CRELD2: variants seen among roughly 807,000 people sequenced by gnomAD.
CRELD2 encodes CRELD disulfide isomerase 2.
Under a neutral mutation model 48.1 loss-of-function variants are expected in CRELD2, and 33 were observed. That is an observed-to-expected ratio of 0.69 (90% CI 0.52 to 0.92). The LOEUF (loss-of-function observed/expected upper bound fraction) is 0.92, where lower values mean the gene tolerates loss of function less well. Among genes scored for constraint, CRELD2 ranks in the 40% least tolerant of loss-of-function variants. The pLI is 0.00. For synonymous variants in CRELD2, 220 were observed against 203.9 expected (o/e 1.08, Z -0.67); for missense variants, 477 against 482.4 (o/e 0.99, Z 0.10).
At chr22:49,923,192 G>C in intron 6 of CRELD2, 42 bp from the exon 7 acceptor site, 1 of 1,477,914 alleles carries the variant, frequency 6.8e-7, no homozygotes, top group South Asian at 1.4e-5. Context: ...CTCCCTGGCC[G>C]GGCTGTCCTG....
intron 5 of CRELD2, chr22:49,922,314 G>T (rs542695980): frequency 8.1e-7 from 1 of 1,238,844 alleles, no homozygotes; most frequent in African/African-American, 2.8e-5. Flanking sequence ...CGGCCTCTCC[G>T]ATTCTTACCC....
At position 49,927,424 on chromosome 22, in the gene CRELD2, T is replaced by C. The variant is rs1312505301; in HGVS notation, c.*117T>C. The C allele has an allele frequency of 8.9e-6, 7 of 787,262 alleles. No homozygotes were observed. In the Admixed American group the frequency reaches 1.3e-4, roughly 15 times the overall value. The allele number at this position is 787,262 out of a possible 1,614,324, so 48.8% of individuals were successfully genotyped here. A position where few individuals can be genotyped will look rare whatever the true frequency, so the allele number is the denominator to read the frequency against. On this transcript the variant is annotated 3_prime_UTR_variant, in exon 10 of 10. Transcript: ENST00000328268. ...GGAGAGGCTGCCTGCTCTCTAACGGTTGATTCTCATTTGTCCCTTAAACAG... is the reference window on the plus strand; with the variant it reads ...GGAGAGGCTGCCTGCTCTCTAACGGCTGATTCTCATTTGTCCCTTAAACAG...
At chr22:49,920,339 G>C (rs1263946979) in intron 4 of CRELD2, 92 bp downstream of exon 4, 1 of 869,958 alleles carries the variant, frequency 1.1e-6, no homozygotes, top group Non-Finnish European at 1.8e-6. Context: ...AGGGGACCTG[G>C]GGTGCATCAG....
chr22:49,925,093 C>T (rs12170411), intron 8 of CRELD2: 47,735 of 189,580 alleles, frequency 0.25, 7,879 homozygotes, highest in African/African-American at 0.49. Context: ...ATCGCGCCAC[C>T]GCACTCCAGC....
chr22:49,922,152 C>A, intron 5 of CRELD2: 2 of 929,738 alleles, frequency 2.2e-6, no homozygotes, highest in Non-Finnish European at 3.1e-6. Context: ...CGTTTTCTCC[C>A]TGGTTGTCAC....
intron 3 of CRELD2, 98 bp from the exon 4 acceptor site, chr22:49,920,058 C>G (rs763664089): frequency 5.8e-6 from 5 of 857,540 alleles, no homozygotes; most frequent in South Asian, 4.4e-5. Flanking sequence ...GTTTCCTGGA[C>G]CTTACAATAC....
chr22:49,925,784 G>T, intron 9 of CRELD2: 2 of 1,364,646 alleles, frequency 1.5e-6, no homozygotes, highest in East Asian at 2.8e-5. Context: ...CGGAAGTTCA[G>T]GCGATGAAGG....
intron 4 of CRELD2, 42 bp downstream of exon 4, chr22:49,920,289 C>T (rs747403079): frequency 2.3e-6 from 3 of 1,321,340 alleles, no homozygotes; most frequent in Admixed American, 1.7e-5. Context: ...TACGTCACTT[C>T]CCCTCTTCTT....
chr22:49,920,115 G>A (rs1314674848), intron 3 of CRELD2, 41 bp from the exon 4 acceptor site: 16 of 1,321,478 alleles, frequency 1.2e-5, no homozygotes, highest in South Asian at 2.4e-5. Flanking sequence ...TTAAAGAACC[G>A]TGTCTGCTGG....
chr22:49,923,098 C>T, intron 6 of CRELD2, 136 bp from the exon 7 acceptor site: 1 of 657,684 alleles, frequency 1.5e-6, no homozygotes, highest in Non-Finnish European at 2.5e-6. Flanking sequence ...GAGATGATTC[C>T]TCCTCAGGGG....
At chr22:49,925,815 A>G in intron 9 of CRELD2, 1 of 1,220,112 alleles carries the variant, frequency 8.2e-7, no homozygotes. Flanking sequence ...TGAAGCTCAG[A>G]CCTCAGCGGG....
intron 4 of CRELD2, among the ~76,000 whole-genome samples, chr22:49,920,544 A>G (rs543788006): frequency 8.5e-5 from 13 of 152,198 alleles, no homozygotes; most frequent in African/African-American, 3.1e-4. Context: ...GAGTCCACTC[A>G]CCTGAGAGTC....
At position 49,918,871 on chromosome 22, in the gene CRELD2, C is replaced by T. The variant is rs1214664239; in HGVS notation, c.102C>T (p.Cys34=). The T allele has an allele frequency of 1.3e-5, 17 of 1,300,418 alleles. No homozygotes were observed. The highest frequency in any genetic ancestry group is 1.6e-5 in the Non-Finnish European group (16 of 1,026,310). The allele number at this position is 1,300,418 out of a possible 1,614,324, so 80.6% of individuals were successfully genotyped here. ...AGAAGCCGACGCCCTGCCACCGGTGCCGGGGGCTGGTGGACAAGTTTAACC... is the reference window on the plus strand; with the variant it reads ...AGAAGCCGACGCCCTGCCACCGGTGTCGGGGGCTGGTGGACAAGTTTAACC... ...AAKKPTPCHR[C]RGLVDKFNQG... The change falls in exon 1 of 10, where the codon TGC becomes TGT. Residue 34 remains cysteine, a synonymous_variant. Transcript: ENST00000328268.
rs778994692 is a variant in CRELD2, at chr22:49,918,811, T to TCTG, written c.53_55dup (p.Leu18dup). 6.8e-6 allele frequency: 9 copies of TCTG among 1,330,802 alleles called. No individual in the cohort carries two copies. The highest frequency in any genetic ancestry group is 3.9e-5 in the Admixed American group (1 of 25,560). 82.4% of individuals were successfully genotyped at this position (1,330,802 alleles called of 1,614,324 possible). A position where few individuals can be genotyped will look rare whatever the true frequency, so the allele number is the denominator to read the frequency against. ...GGGCCGCGCTGGGGCTCCTGCCGCTTCTGCTGCTGCTGCCGCCCGCGCCGG... is the reference window on the plus strand; with the variant it reads ...GGGCCGCGCTGGGGCTCCTGCCGCTTCTGCTGCTGCTGCTGCCGCCCGCGCCGG... On this transcript the variant is annotated inframe_insertion, in exon 1 of 10. Coordinates refer to ENST00000328268, the MANE Select transcript of CRELD2 (RefSeq NM_024324.5).
At chr22:49,922,324 C>A (rs113299196) in intron 5 of CRELD2, 15 of 1,239,212 alleles carry the variant, frequency 1.2e-5, no homozygotes, top group Non-Finnish European at 1.6e-5. Flanking sequence ...GATTCTTACC[C>A]GCCTTGCTGT....
intron 3 of CRELD2, 127 bp downstream of exon 3, chr22:49,919,967 T>C (rs1276432858): frequency 1.2e-6 from 1 of 816,462 alleles, no homozygotes; most frequent in East Asian, 2.7e-5. Flanking sequence ...ACCTTACCCC[T>C]GCATTACCGT....
chr22:49,923,444 G>A (rs775242033), intron 7 of CRELD2, 127 bp downstream of exon 7: 1 of 756,924 alleles, frequency 1.3e-6, no homozygotes, highest in South Asian at 1.5e-5. Context: ...CACTTAGTGT[G>A]GCAAAGTAAG....
intron 7 of CRELD2, chr22:49,923,906 AG>A (rs2060729726): frequency 4.1e-6 from 1 of 244,428 alleles, no homozygotes; most frequent in African/African-American, 2.3e-5. Flanking sequence ...CAGTCCCAGC[AG>A]CAGGGAGGAG....
At chr22:49,923,708 A>G (rs2060727225) in intron 7 of CRELD2, 1 of 355,830 alleles carries the variant, frequency 2.8e-6, no homozygotes, top group African/African-American at 2.2e-5. Context: ...CCATTATTTC[A>G]TACTTTTACA....
Sources: gnomAD v4.1 joint callset for allele counts (sites outside exome capture counted in the v4.1 genomes callset) on GRCh38, gnomAD v4.1.1 for gene constraint, MANE v1.5 for transcripts, NCBI Gene and HGNC (gene_info 2026-07-23, HGNC 2026-07-21) for gene names.